The following LRRC4C variants were observed in gnomAD, a reference collection of about 807,000 sequenced individuals.
LRRC4C encodes leucine-rich repeat-containing protein 4C.
Under a neutral mutation model 33.6 loss-of-function variants are expected in LRRC4C, and 5 were observed. The observed-to-expected ratio is 0.15, with a 90% CI of 0.08 to 0.31. LRRC4C has a LOEUF of 0.31. Ranked by LOEUF, LRRC4C falls within the 10% of genes least tolerant of loss-of-function variation. The pLI is 1.00. For synonymous variants in LRRC4C, 329 were observed against 302.0 expected (o/e 1.09, Z -0.93); for missense variants, 560 against 796.7 (o/e 0.70, Z 3.58).
At chr11:40,496,371 C>G (rs566460271) in intron 3 of LRRC4C, among the ~76,000 whole-genome samples, 2 of 152,200 alleles carry the variant, frequency 1.3e-5, no homozygotes, top group Non-Finnish European at 2.9e-5. Flanking sequence ...TATTTTGATA[C>G]ACTTGTACAT....
intron 2 of LRRC4C, among the ~76,000 whole-genome samples, chr11:40,714,260 A>G (rs2136621843): frequency 6.6e-6 from 1 of 152,314 alleles, no homozygotes; most frequent in Non-Finnish European, 1.5e-5. Flanking sequence ...ATTTCTTACC[A>G]TGATATTGTA....
At chr11:40,497,943 CT>C (rs1565447838) in intron 3 of LRRC4C, among the ~76,000 whole-genome samples, 1 of 152,130 alleles carries the variant, frequency 6.6e-6, no homozygotes, top group African/African-American at 2.4e-5. Context: ...GTATTTCTGA[CT>C]TTTCATTTTA....
chr11:40,341,316 T>C (rs1946854557), intron 3 of LRRC4C, among the ~76,000 whole-genome samples: 1 of 152,198 alleles, frequency 6.6e-6, no homozygotes, highest in Non-Finnish European at 1.5e-5. Context: ...CTTAATCCAG[T>C]CTATCATTGT....
chr11:40,142,920 G>A (rs185377108), intron 5 of LRRC4C, among the ~76,000 whole-genome samples: 15 of 152,040 alleles, frequency 9.9e-5, no homozygotes, highest in African/African-American at 2.4e-4. Flanking sequence ...GATTTAACCC[G>A]ACAAAGACTT....
At chr11:40,607,819 G>A (rs796679345) in intron 3 of LRRC4C, among the ~76,000 whole-genome samples, 1 of 152,106 alleles carries the variant, frequency 6.6e-6, no homozygotes, top group African/African-American at 2.4e-5. Context: ...AGGAGCACAC[G>A]TAACACACAC....
intron 1 of LRRC4C, among the ~76,000 whole-genome samples, chr11:40,963,064 A>G (rs1851081604): frequency 6.6e-6 from 1 of 151,744 alleles, no homozygotes; most frequent in Non-Finnish European, 1.5e-5. Context: ...TTACAAAAGT[A>G]AAAACTTGAT....
Position 40,559,877 on chromosome 11 carries a change from G to A in LRRC4C, c.-270+88265C>T, listed in dbSNP as rs1450836904. On this transcript the variant is annotated intron_variant, in intron 3 of 6. Coordinates refer to ENST00000528697, the MANE Select transcript of LRRC4C (RefSeq NM_001258419.2). ...GGCCACAAGATACAAATTTTTAAAT[G>A]GATGGCAGAGAAAGACAAAAATAAA... Among the ~76,000 whole-genome samples the A allele has an allele frequency of 3.3e-5, 5 of 151,928 alleles. No individual in the cohort carries two copies. The East Asian group carries it at 9.7e-4, about 29-fold the overall frequency.
intron 1 of LRRC4C, among the ~76,000 whole-genome samples, chr11:41,135,967 A>G (rs1421955713): frequency 6.6e-6 from 1 of 152,214 alleles, no homozygotes; most frequent in Non-Finnish European, 1.5e-5. Flanking sequence ...CTTATTGGAC[A>G]TCTACACAAT....
chr11:40,496,215 T>A (rs1193738970), intron 3 of LRRC4C, among the ~76,000 whole-genome samples: 1 of 152,162 alleles, frequency 6.6e-6, no homozygotes, highest in Non-Finnish European at 1.5e-5. Context: ...CTGATCTACA[T>A]GAATTATTTT....
intron 5 of LRRC4C, among the ~76,000 whole-genome samples, chr11:40,143,697 C>A (rs574173869): frequency 6.6e-5 from 10 of 152,332 alleles, no homozygotes; most frequent in Middle Eastern, 3.4e-3. Flanking sequence ...TTGCTTAAAA[C>A]ATAACCATCC....
At chr11:40,488,800 C>T (rs534527736) in intron 3 of LRRC4C, among the ~76,000 whole-genome samples, 98 of 152,200 alleles carry the variant, frequency 6.4e-4, no homozygotes, top group African/African-American at 2.2e-3. Flanking sequence ...TATCTGCTTC[C>T]ACTTTCTACC....
intron 5 of LRRC4C, among the ~76,000 whole-genome samples, chr11:40,208,809 A>G (rs1863353716): frequency 1.3e-5 from 2 of 152,182 alleles, no homozygotes; most frequent in African/African-American, 4.8e-5. Flanking sequence ...GAGTCAGCTT[A>G]TGGTTTGGTC....
chr11:40,636,526 G>A (rs1374946645), intron 3 of LRRC4C, among the ~76,000 whole-genome samples: 1 of 152,090 alleles, frequency 6.6e-6, no homozygotes, highest in Non-Finnish European at 1.5e-5. Context: ...TATACAACAA[G>A]TGGGCTCAGG....
At chr11:41,329,533 CCAAT>C (rs1311082504) in intron 1 of LRRC4C, among the ~76,000 whole-genome samples, 1 of 152,222 alleles carries the variant, frequency 6.6e-6, no homozygotes, top group East Asian at 1.9e-4. Context: ...GCTTTCACTT[CCAAT>C]CAGTCTCCAC....
intron 4 of LRRC4C, among the ~76,000 whole-genome samples, chr11:40,253,469 T>C (rs1866950241): frequency 2.0e-5 from 3 of 152,154 alleles, no homozygotes; most frequent in African/African-American, 7.2e-5. Context: ...CTAAGACTTG[T>C]TACTCAATCT....
intron 2 of LRRC4C, among the ~76,000 whole-genome samples, chr11:40,906,261 T>C (rs1270157638): frequency 6.6e-6 from 1 of 152,220 alleles, no homozygotes; most frequent in African/African-American, 2.4e-5. Context: ...CTGTGCTCCC[T>C]GCGCTTTGGG....
intron 3 of LRRC4C, among the ~76,000 whole-genome samples, chr11:40,614,672 T>G (rs180950511): frequency 6.6e-6 from 1 of 151,838 alleles, no homozygotes; most frequent in East Asian, 1.9e-4. Context: ...TCATTTCCAG[T>G]TTCTGACTTA....
chr11:41,433,635 C>T (rs1425320606), intron 1 of LRRC4C, among the ~76,000 whole-genome samples: 1 of 152,044 alleles, frequency 6.6e-6, no homozygotes, highest in Admixed American at 6.6e-5. Flanking sequence ...CTTAGCCTCC[C>T]AGCTTATATC....
intron 3 of LRRC4C, among the ~76,000 whole-genome samples, chr11:40,576,635 T>C (rs757212336): frequency 1.3e-5 from 2 of 152,056 alleles, no homozygotes; most frequent in Non-Finnish European, 2.9e-5. Context: ...TTTATAACAA[T>C]CCCCCTCCAT....
Sources: gnomAD v4.1 joint callset for allele counts (sites outside exome capture counted in the v4.1 genomes callset) on GRCh38, gnomAD v4.1.1 for gene constraint, MANE v1.5 for transcripts, NCBI Gene and HGNC (gene_info 2026-07-23, HGNC 2026-07-21) for gene names.